The following RIC8B variants were observed in gnomAD, a reference collection of about 807,000 sequenced individuals.
RIC8B encodes RIC8 guanine nucleotide exchange factor B.
A neutral mutation model predicts 57.5 loss-of-function variants in RIC8B; 16 were observed. That is an observed-to-expected ratio of 0.28 (90% CI 0.19 to 0.42). The LOEUF is 0.42. Ranked by LOEUF, RIC8B falls within the 10% of genes least tolerant of loss-of-function variation. The probability of loss-of-function intolerance (pLI) is 1.00; values close to 1 mark genes in which losing one functional copy is unlikely to be tolerated. For synonymous variants in RIC8B, 216 were observed against 250.8 expected, an observed-to-expected ratio of 0.86 and a Z score of 1.31; for missense variants, 481 against 677.0, an observed-to-expected ratio of 0.71 and a Z score of 3.21.
intron 2 of RIC8B, chr12:106,797,933 G>T: frequency 1.5e-6 from 1 of 656,970 alleles, no homozygotes; most frequent in Non-Finnish European, 2.8e-6. Flanking sequence ...GGATTGACCT[G>T]TTGTGTAGTT....
chr12:106,775,755 A>G (rs1318990820), intron 1 of RIC8B, among the ~76,000 whole-genome samples: 2 of 152,354 alleles, frequency 1.3e-5, no homozygotes, highest in South Asian at 4.1e-4. Context: ...AAGATAGCCT[A>G]CCACACCTTT....
At chr12:106,859,777 G>T (rs890622259) in intron 7 of RIC8B, among the ~76,000 whole-genome samples, 1 of 152,050 alleles carries the variant, frequency 6.6e-6, no homozygotes, top group Non-Finnish European at 1.5e-5. Flanking sequence ...TATCACCTAT[G>T]CTATTTGCTA....
chr12:106,852,473 C>A (rs566048025), intron 7 of RIC8B, among the ~76,000 whole-genome samples: 1 of 152,322 alleles, frequency 6.6e-6, no homozygotes, highest in South Asian at 2.1e-4. Context: ...ATTGATCCAA[C>A]CACTTAAGTT....
At chr12:106,789,273 C>T (rs2044164787) in intron 2 of RIC8B, among the ~76,000 whole-genome samples, 1 of 152,184 alleles carries the variant, frequency 6.6e-6, no homozygotes, top group Non-Finnish European at 1.5e-5. Context: ...AGCCATTCAA[C>T]AAGTCTCTAG....
intron 2 of RIC8B, among the ~76,000 whole-genome samples, chr12:106,799,227 AAAAAT>A (rs2044619983): frequency 6.6e-6 from 1 of 152,190 alleles, no homozygotes; most frequent in African/African-American, 2.4e-5. Flanking sequence ...TAAACAAAAC[AAAAAT>A]ATTTCTAGCA....
intron 7 of RIC8B, 96 bp from the exon 8 acceptor site, chr12:106,860,172 T>C: frequency 1.9e-6 from 2 of 1,062,834 alleles, no homozygotes; most frequent in Non-Finnish European, 2.7e-6. Context: ...TTTACTGCCA[T>C]AGTGTGTGTC....
chr12:106,800,519 G>A (rs757038318), intron 2 of RIC8B, among the ~76,000 whole-genome samples: 32 of 152,062 alleles, frequency 2.1e-4, no homozygotes, highest in Admixed American at 3.3e-4. Flanking sequence ...AGATTGAGGG[G>A]GGACACAGAT....
rs2045529273 is a variant in RIC8B, at chr12:106,815,415, T to TTC, written c.741+114_741+115dup. 7.2e-6 allele frequency: 8 copies of TTC among 1,118,070 alleles called. No individual in the cohort carries two copies. The East Asian group carries it at 1.7e-4, about 23-fold the overall frequency. 69.3% of individuals were successfully genotyped at this position (1,118,070 alleles called of 1,614,324 possible). On this transcript the variant is annotated intron_variant, in intron 3 of 9. Coordinates refer to ENST00000392837, the MANE Select transcript of RIC8B (RefSeq NM_001330145.2). Reference sequence around the variant, plus strand: ...GTTGGGAAATGGAAAAAGTTCCCACTTCTCCCATTAAGCAATTGTATTACC... The same window carrying TTC: ...GTTGGGAAATGGAAAAAGTTCCCACTTCTCTCCCATTAAGCAATTGTATTACC...
chr12:106,835,407 A>T lies in RIC8B; in HGVS notation c.837-7182A>T, dbSNP rs555895826. ...CTCCAAATTTTTGCTATTCCCTCTTATAGTGGAATATGTCTGCTGTTCAGA... is the reference window on the plus strand; with the variant it reads ...CTCCAAATTTTTGCTATTCCCTCTTTTAGTGGAATATGTCTGCTGTTCAGA... On this transcript the variant is annotated intron_variant, in intron 4 of 9. Transcript: ENST00000392837. Among the ~76,000 whole-genome samples, 14 of 152,252 alleles carry T rather than the reference A, an allele frequency of 9.2e-5. No homozygotes were observed. In the East Asian group the frequency reaches 2.7e-3, roughly 29 times the overall value.
chr12:106,883,323 A>G (rs146906875), intron 9 of RIC8B, among the ~76,000 whole-genome samples: 2 of 152,328 alleles, frequency 1.3e-5, no homozygotes, highest in Admixed American at 6.5e-5. Flanking sequence ...AAAGTCCTTT[A>G]GCACAATCAG....
chr12:106,860,202 T>G, intron 7 of RIC8B, 66 bp from the exon 8 acceptor site: 1 of 1,314,332 alleles, frequency 7.6e-7, no homozygotes, highest in Non-Finnish European at 1.0e-6. Context: ...CTTGTGTTGG[T>G]GAGTGGTTGA....
intron 9 of RIC8B, among the ~76,000 whole-genome samples, chr12:106,873,342 G>C (rs952330302): frequency 2.0e-5 from 3 of 152,180 alleles, no homozygotes; most frequent in Non-Finnish European, 2.9e-5. Flanking sequence ...GTCTGCCTTT[G>C]TGTGCTTTCT....
At chr12:106,784,431 A>G (rs1169033880) in intron 2 of RIC8B, among the ~76,000 whole-genome samples, 1 of 152,208 alleles carries the variant, frequency 6.6e-6, no homozygotes, top group Non-Finnish European at 1.5e-5. Flanking sequence ...GTTGGAGTGC[A>G]GTGGCTCACT....
intron 2 of RIC8B, among the ~76,000 whole-genome samples, chr12:106,807,664 C>T (rs2045104844): frequency 6.6e-6 from 1 of 152,192 alleles, no homozygotes. Context: ...GTTGTTACTG[C>T]ATGAGAAAAG....
At chr12:106,859,865 A>C (rs1274232494) in intron 7 of RIC8B, among the ~76,000 whole-genome samples, 1 of 152,142 alleles carries the variant, frequency 6.6e-6, no homozygotes, top group Non-Finnish European at 1.5e-5. Flanking sequence ...GAGATTTTAC[A>C]TTATGTGCCA....
chr12:106,806,851 A>G (rs1225044235), intron 2 of RIC8B, among the ~76,000 whole-genome samples: 5 of 152,168 alleles, frequency 3.3e-5, no homozygotes, highest in Non-Finnish European at 5.9e-5. Context: ...AAATAAAAGA[A>G]TGCCCTTATT....
intron 9 of RIC8B, chr12:106,873,294 C>A: frequency 1.8e-6 from 1 of 554,282 alleles, no homozygotes; most frequent in South Asian, 7.9e-5. Context: ...TCAAATCATA[C>A]AGAATTTTTG....
At chr12:106,872,941 G>T in intron 9 of RIC8B, 1 of 744,816 alleles carries the variant, frequency 1.3e-6, no homozygotes, top group Admixed American at 6.3e-5. Flanking sequence ...CAGATACTTG[G>T]CTTACTAATA....
Position 106,886,219 on chromosome 12 carries a change from C to T in RIC8B, c.*204C>T, listed in dbSNP as rs1037868843. 11 of 470,164 alleles carry T rather than the reference C, an allele frequency of 2.3e-5. No homozygotes were observed. Among genetic ancestry groups the T allele is most frequent in the South Asian group, 8.5e-5 (2 of 23,586 alleles). The allele number at this position is 470,164 out of a possible 1,614,324, so 29.1% of individuals were successfully genotyped here. On this transcript the variant is annotated 3_prime_UTR_variant, in exon 10 of 10. Transcript: ENST00000392837. The stretch of plus-strand genomic sequence containing the variant: ...GCATTCATACAGAGCTGCAGTTAGA[C>T]GGGGTTACGGGGGCTAAAAGCAGAA...
Sources: gnomAD v4.1 joint callset for allele counts (sites outside exome capture counted in the v4.1 genomes callset) on GRCh38, gnomAD v4.1.1 for gene constraint, MANE v1.5 for transcripts, NCBI Gene and HGNC (gene_info 2026-07-23, HGNC 2026-07-21) for gene names.